Variants in PSG9 observed in about 807,000 individuals in gnomAD.
PSG9 encodes pregnancy-specific beta-1-glycoprotein 9.
In PSG9, 49 loss-of-function variants were observed where a neutral mutation model predicts 41.9. The observed-to-expected ratio is 1.17, with a 90% confidence interval of 0.93 to 1.48. The LOEUF (loss-of-function observed/expected upper bound fraction) is 1.48. Ranked by LOEUF, PSG9 falls within the 40% of genes most tolerant of loss-of-function variation. PSG9 has a pLI of 0.00. For missense variants in PSG9, 641 were observed against 520.3 expected (o/e 1.23, Z -2.26); for synonymous variants, 263 against 196.8 (o/e 1.34, Z -2.82).
intron 2 of PSG9, among the ~76,000 whole-genome samples, chr19:43,264,353 T>A (rs1271337070): frequency 6.6e-6 from 1 of 152,186 alleles, no homozygotes; most frequent in African/African-American, 2.4e-5. Context: ...GAACTTTCCT[T>A]TTTCAGTTTT....
At chr19:43,262,775 G>T (rs1271285953) in intron 2 of PSG9, among the ~76,000 whole-genome samples, 1 of 152,122 alleles carries the variant, frequency 6.6e-6, no homozygotes, top group East Asian at 1.9e-4. Context: ...TTGAGCCAGT[G>T]ACCTCTAACG....
Position 43,269,277 on chromosome 19 carries a change from CTT to C in PSG9, c.64+89_64+90del, listed in dbSNP as rs918079898. ...CCTCAGCCTCCCTAAGAGCTGGCTT[CTT>C]TTATTTTACAACCCCATCCTCTCCA... On this transcript the variant is annotated intron_variant, in intron 1 of 5. Transcript: ENST00000270077. The C allele has an allele frequency of 4.4e-6, 7 of 1,599,022 alleles. No homozygotes were observed. The Admixed American group carries it at 5.1e-5, about 12-fold the overall frequency.
intron 2 of PSG9, 113 bp from the exon 3 acceptor site, chr19:43,262,251 A>T: frequency 2.0e-6 from 3 of 1,514,928 alleles, no homozygotes; most frequent in African/African-American, 1.4e-5. Context: ...AGTCCTTAAA[A>T]GCCCATGGCA....
chr19:43,261,304 G>C (rs1968698880), intron 3 of PSG9, among the ~76,000 whole-genome samples: 1 of 152,072 alleles, frequency 6.6e-6, no homozygotes, highest in African/African-American at 2.4e-5. Flanking sequence ...AGTGATTTGG[G>C]GGATAAAGAA....
At position 43,254,819 on chromosome 19, in the gene PSG9, G is replaced by A. The variant is rs531153260; in HGVS notation, c.1244-1173C>T. On this transcript the variant is annotated intron_variant, in intron 5 of 5. Coordinates refer to ENST00000270077, the MANE Select transcript of PSG9 (RefSeq NM_002784.5). ...GAAATGAAAATGGACTCTGAGCATG[G>A]TGGGTCATGTTTTAATCCTAGCACT... is the stretch of plus-strand genomic sequence containing the variant. Among the ~76,000 whole-genome samples the A allele has an allele frequency of 6.2e-4, 91 of 145,904 alleles. 7 individuals carry two copies. Among genetic ancestry groups the A allele is most frequent in the African/African-American group, 2.3e-3 (89 of 38,270 alleles).
chr19:43,258,690 A>C (rs1227162413), intron 4 of PSG9, among the ~76,000 whole-genome samples, 167 bp downstream of exon 4: 2 of 145,976 alleles, frequency 1.4e-5, no homozygotes, highest in Non-Finnish European at 3.0e-5. Context: ...ATTCTTGGTT[A>C]AGGCTGTGCC....
In PSG9 at chr19:43,267,850, A is replaced by G; in HGVS notation, c.364T>C (p.Leu122=). The G allele has an allele frequency of 6.2e-7, 1 of 1,613,672 alleles. No homozygotes were observed. Among genetic ancestry groups the G allele is most frequent in the South Asian group, 1.1e-5 (1 of 91,052 alleles). ...TCATCACCTCGCTTTATGATGTGTA[A>G]GGTGTAGGTTCCTGCATCCTTCCGG... The part of the protein sequence containing the change: ...VTRKDAGTYT[L]HIIKRGDETR... The change falls in exon 2 of 6, where the codon TTA becomes CTA. Residue 122 remains leucine (L), a synonymous_variant. Transcript: ENST00000270077.
intron 2 of PSG9, among the ~76,000 whole-genome samples, chr19:43,264,471 T>C (rs1292759934): frequency 2.0e-5 from 3 of 151,970 alleles, no homozygotes; most frequent in Non-Finnish European, 4.4e-5. Flanking sequence ...GCATTTTTTT[T>C]TTCTGAGACA....
rs1331121751 is a variant in PSG9, at chr19:43,261,992, A to G, written c.577T>C (p.Leu193=). The part of the protein sequence containing the change: ...NGQSLPVTHR[L]QLSKTNRTLY... Reference sequence around the variant, plus strand: ...GTCCTGTTGGTTTTGGACAGCTGCAACCTGTGAGTCACAGGGAGGCTCTGA... The same window carrying G: ...GTCCTGTTGGTTTTGGACAGCTGCAGCCTGTGAGTCACAGGGAGGCTCTGA... The change falls in exon 3 of 6, where the codon TTG becomes CTG. Residue 193 remains leucine (L), a synonymous_variant. Coordinates refer to ENST00000270077, the MANE Select transcript of PSG9 (RefSeq NM_002784.5). 9 of 1,614,014 alleles carry G rather than the reference A, an allele frequency of 5.6e-6. No homozygotes were observed. The East Asian group carries it at 6.7e-5, about 12-fold the overall frequency.
intron 5 of PSG9, among the ~76,000 whole-genome samples, chr19:43,255,277 G>T (rs974392415): frequency 3.4e-5 from 5 of 146,392 alleles, no homozygotes; most frequent in Non-Finnish European, 7.4e-5. Flanking sequence ...ACTATAATCA[G>T]TAATAAGATT....
Position 43,255,623 on chromosome 19 carries a change from A to C in PSG9, c.1244-1977T>G, listed in dbSNP as rs912764176. On this transcript the variant is annotated intron_variant, in intron 5 of 5. Transcript: ENST00000270077. Reference sequence around the variant, plus strand: ...GTAGAAAATCCTAAAGATTGAACAAACCTAATTAGAATTAATAAATAAATT... The same window carrying C: ...GTAGAAAATCCTAAAGATTGAACAACCCTAATTAGAATTAATAAATAAATT... 1.4e-4 allele frequency among the ~76,000 whole-genome samples: 21 copies of C among 147,120 alleles called. 4 individuals carry two copies. The highest frequency in any genetic ancestry group is 5.4e-4 in the African/African-American group (21 of 38,868).
intron 2 of PSG9, among the ~76,000 whole-genome samples, chr19:43,265,798 C>G (rs1968939431): frequency 6.6e-6 from 1 of 152,072 alleles, no homozygotes; most frequent in South Asian, 2.1e-4. Flanking sequence ...ATGTTCTTGT[C>G]CACAGGTCAG....
chr19:43,254,862 A>G (rs1968387469), intron 5 of PSG9, among the ~76,000 whole-genome samples: 1 of 145,844 alleles, frequency 6.9e-6, no homozygotes, highest in Non-Finnish European at 1.5e-5. Flanking sequence ...GTCACAGCAG[A>G]AGGATTTCTT....
chr19:43,268,245 G>C, intron 1 of PSG9, 96 bp from the exon 2 acceptor site: 1 of 1,438,180 alleles, frequency 7.0e-7, no homozygotes, highest in Middle Eastern at 2.0e-4. Context: ...TCCATCCTCA[G>C]CCTTGAAGAT....
Position 43,258,369 on chromosome 19 carries a change from T to G in PSG9, c.1076A>C (p.Asn359Thr). ...TGTCCAAAAATACTCTGCCGGTGGG[T>G]TAGATTCCGTGAAGCAGGACAAGTC... ...NLDLSCFTES[N>T]PPAEYFWTIN... Residue 359 changes from asparagine to threonine, a missense_variant, in exon 5 of 6, where the codon AAC (asparagine) becomes ACC (threonine). By Grantham distance (65) the Asn-to-Thr change is moderately conservative. Transcript: ENST00000270077. 6.3e-7 allele frequency: 1 copy of G among 1,592,724 alleles called. No homozygotes were observed. The highest frequency in any genetic ancestry group is 8.5e-7 in the Non-Finnish European group (1 of 1,174,500).
intron 3 of PSG9, 148 bp downstream of exon 3, chr19:43,261,712 T>C: frequency 6.3e-7 from 1 of 1,588,254 alleles, no homozygotes; most frequent in Non-Finnish European, 8.6e-7. Flanking sequence ...CCTACTCTGG[T>C]TTGCTTGGGG....
At chr19:43,265,613 C>A (rs1174778433) in intron 2 of PSG9, among the ~76,000 whole-genome samples, 2 of 152,134 alleles carry the variant, frequency 1.3e-5, no homozygotes, top group African/African-American at 2.4e-5. Flanking sequence ...ACTGGGGAGG[C>A]TGATTTGAGT....
At chr19:43,255,398 G>A (rs1968411402) in intron 5 of PSG9, among the ~76,000 whole-genome samples, 1 of 146,470 alleles carries the variant, frequency 6.8e-6, no homozygotes, top group Non-Finnish European at 1.5e-5. Context: ...CCCAATGCTA[G>A]CATCATACTC....
Position 43,269,514 on chromosome 19 carries a change from G to A in PSG9, c.-83C>T. 1 of 1,574,296 alleles carries A rather than the reference G, an allele frequency of 6.4e-7. No homozygotes were observed. The highest frequency in any genetic ancestry group is 1.1e-5 in the South Asian group (1 of 88,724). ...TCTGAGCACGGCTGTCAGCTGTGCT[G>A]TCCTTCCTCCTTCTGTGCTGAGCCT... On this transcript the variant is annotated 5_prime_UTR_variant, in exon 1 of 6. Coordinates refer to ENST00000270077, the MANE Select transcript of PSG9 (RefSeq NM_002784.5).
Sources: allele counts gnomAD v4.1 joint callset (sites outside exome capture counted in the v4.1 genomes callset), GRCh38; gene constraint gnomAD v4.1.1; transcripts MANE v1.5; gene names NCBI Gene and HGNC (gene_info 2026-07-23, HGNC 2026-07-21).